Variants in MSH3 observed in about 807,000 individuals in gnomAD.
MSH3 encodes DNA mismatch repair protein Msh3.
In MSH3, 106 loss-of-function variants were observed where a neutral mutation model predicts 123.3. The ratio of observed to expected loss-of-function variants is 0.86; its 90% CI spans 0.73 to 1.01. MSH3 has a LOEUF of 1.01. MSH3 is among the 50% of genes least tolerant of loss of function. MSH3 has a pLI of 0.00. For synonymous variants in MSH3, 515 were observed against 481.4 expected (o/e 1.07, Z -0.91); for missense variants, 1,459 against 1,347.6 (o/e 1.08, Z -1.29).
intron 8 of MSH3, among the ~76,000 whole-genome samples, chr5:80,702,407 G>A (rs1366435181): frequency 1.3e-5 from 2 of 152,136 alleles, no homozygotes; most frequent in Non-Finnish European, 2.9e-5. Context: ...CTCCCTGATG[G>A]CCATATGGGA....
intron 10 of MSH3, among the ~76,000 whole-genome samples, chr5:80,732,573 A>T (rs1743431648): frequency 6.6e-6 from 1 of 152,176 alleles, no homozygotes; most frequent in Non-Finnish European, 1.5e-5. Flanking sequence ...CAACACTCCA[A>T]AACCAAACAA....
chr5:80,768,032 G>T lies in MSH3; in HGVS notation c.1996G>T (p.Asp666Tyr), dbSNP rs759657866. 6.2e-7 allele frequency: 1 copy of T among 1,613,724 alleles called. No homozygotes were observed. Among genetic ancestry groups the T allele is most frequent in the South Asian group, 1.1e-5 (1 of 91,060 alleles). ...IPAVNSHIQS[D>Y]LLRTVILEIP... is the part of the protein sequence containing the mutation. ...TGCTGTTAATTCCCACATTCAGTCA[G>T]ACTTGCTCCGGACCGTTATTTTAGA... Residue 666 changes from aspartate (D) to tyrosine (Y), a missense_variant, in exon 14 of 24, where the codon GAC (aspartate) becomes TAC (tyrosine). Physicochemically the swap from Asp to Tyr is radical, Grantham distance 160. Coordinates refer to ENST00000265081, the MANE Select transcript of MSH3 (RefSeq NM_002439.5).
At chr5:80,672,698 AT>A in intron 5 of MSH3, 42 bp from the exon 6 acceptor site, 1 of 1,491,418 alleles carries the variant, frequency 6.7e-7, no homozygotes, top group Non-Finnish European at 9.4e-7. Context: ...TTTACAAGTC[AT>A]TTTTTATCCT....
At chr5:80,740,401 G>A (rs1343585058) in intron 10 of MSH3, among the ~76,000 whole-genome samples, 7 of 147,086 alleles carry the variant, frequency 4.8e-5, no homozygotes, top group East Asian at 2.0e-4. Context: ...TCTGTCACCC[G>A]GGCTGGAGTG....
chr5:80,692,651 GATAT>G (rs1171802933), intron 8 of MSH3, among the ~76,000 whole-genome samples: 2 of 113,404 alleles, frequency 1.8e-5, no homozygotes, highest in Non-Finnish European at 4.0e-5. Flanking sequence ...TGTTTATATA[GATAT>G]ATATATACAC....
intron 19 of MSH3, among the ~76,000 whole-genome samples, chr5:80,810,172 C>CATACATATATATATATATAT (rs375421949): frequency 9.0e-4 from 110 of 121,562 alleles, no homozygotes; most frequent in South Asian, 1.8e-3. Flanking sequence ...GTTTGACATA[C>CATACATATATATATATATAT]ATATATATAT....
At chr5:80,845,149 C>G (rs1745698053) in intron 20 of MSH3, among the ~76,000 whole-genome samples, 1 of 152,056 alleles carries the variant, frequency 6.6e-6, no homozygotes, top group Non-Finnish European at 1.5e-5. Flanking sequence ...TTACTTCTCC[C>G]CCACATATGA....
At chr5:80,687,610 G>A (rs778707537) in intron 8 of MSH3, among the ~76,000 whole-genome samples, 2 of 152,160 alleles carry the variant, frequency 1.3e-5, no homozygotes, top group African/African-American at 2.4e-5. Flanking sequence ...GTATGGAAAT[G>A]ATATGAGGTC....
chr5:80,857,996 T>C (rs1745946462), intron 21 of MSH3, among the ~76,000 whole-genome samples: 1 of 152,084 alleles, frequency 6.6e-6, no homozygotes, highest in South Asian at 2.1e-4. Context: ...GTTCTTTTTT[T>C]CTAATGTGTT....
At chr5:80,707,159 T>C (rs1750745153) in intron 8 of MSH3, among the ~76,000 whole-genome samples, 1 of 152,260 alleles carries the variant, frequency 6.6e-6, no homozygotes, top group African/African-American at 2.4e-5. Flanking sequence ...CCAGCTCGTT[T>C]TACTCAGCAT....
At chr5:80,714,200 A>G (rs962769867) in intron 8 of MSH3, among the ~76,000 whole-genome samples, 10 of 145,864 alleles carry the variant, frequency 6.9e-5, no homozygotes, top group Non-Finnish European at 8.9e-5. Context: ...TGGTGGTGCA[A>G]TCTTGGCTCA....
intron 2 of MSH3, among the ~76,000 whole-genome samples, chr5:80,662,407 G>GTATT (rs1197069313): frequency 6.6e-6 from 1 of 151,924 alleles, no homozygotes; most frequent in Admixed American, 6.6e-5. Flanking sequence ...TAGGCAGTGA[G>GTATT]TATTTATTAT....
chr5:80,767,023 A>C (rs879571142), intron 13 of MSH3, among the ~76,000 whole-genome samples: 22 of 152,180 alleles, frequency 1.4e-4, no homozygotes, highest in Non-Finnish European at 3.1e-4. Flanking sequence ...GTATATATTC[A>C]ATGTATGTTG....
At chr5:80,782,411 A>G (rs1744427403) in intron 17 of MSH3, among the ~76,000 whole-genome samples, 1 of 152,038 alleles carries the variant, frequency 6.6e-6, no homozygotes, top group African/African-American at 2.4e-5. Context: ...CTATTTATTT[A>G]TAGCATTTAC....
At chr5:80,850,094 T>G (rs1385375973) in intron 20 of MSH3, among the ~76,000 whole-genome samples, 1 of 152,226 alleles carries the variant, frequency 6.6e-6, no homozygotes, top group African/African-American at 2.4e-5. Context: ...TGGGGCAAAA[T>G]GCTGCCAGTT....
At chr5:80,736,275 T>G (rs1230861286) in intron 10 of MSH3, among the ~76,000 whole-genome samples, 1 of 122,380 alleles carries the variant, frequency 8.2e-6, no homozygotes, top group African/African-American at 3.1e-5. Context: ...TAAAATGAGC[T>G]AAAAGACACT....
chr5:80,839,731 C>T (rs1376632996), intron 20 of MSH3, among the ~76,000 whole-genome samples: 2 of 152,126 alleles, frequency 1.3e-5, no homozygotes, highest in African/African-American at 2.4e-5. Context: ...ATTTTTTGCA[C>T]ATGTAGTTTT....
chr5:80,718,495 G>GTTTTTTTTTTTTTTTTTTTTTTTTTTT, intron 8 of MSH3, among the ~76,000 whole-genome samples: 1 of 122,214 alleles, frequency 8.2e-6, no homozygotes, highest in Non-Finnish European at 1.7e-5. Context: ...CTCACCTTTG[G>GTTTTTTTTTTTTTTTTTTTTTTTTTTT]TTTTTTTTTT....
At chr5:80,775,635 AG>A in intron 15 of MSH3, 58 bp from the exon 16 acceptor site, 1 of 978,366 alleles carries the variant, frequency 1.0e-6, no homozygotes, top group Non-Finnish European at 1.6e-6. Context: ...ATTTGGGGAA[AG>A]CTTTAAAATA....
Sources: gnomAD v4.1 joint callset for allele counts (sites outside exome capture counted in the v4.1 genomes callset) on GRCh38, gnomAD v4.1.1 for gene constraint, MANE v1.5 for transcripts, NCBI Gene and HGNC (gene_info 2026-07-23, HGNC 2026-07-21) for gene names.